The following CFHR4 variants were observed in gnomAD, a reference collection of about 807,000 sequenced individuals.
CFHR4 encodes complement factor H-related protein 4.
A neutral mutation model predicts 69.3 loss-of-function variants in CFHR4; 64 were observed. That is an observed-to-expected ratio of 0.92 (90% CI 0.76 to 1.14). The LOEUF is 1.14. Ranked by LOEUF, CFHR4 falls within the 50% of genes most tolerant of loss-of-function variation. The pLI, the probability that CFHR4 is intolerant of heterozygous loss-of-function variation, is 0.00. For synonymous variants in CFHR4, 244 were observed against 237.0 expected, an observed-to-expected ratio of 1.03 and a Z score of -0.27; for missense variants, 636 against 684.9, an observed-to-expected ratio of 0.93 and a Z score of 0.80.
At chr1:196,901,951 A>T (rs548671567) in intron 1 of CFHR4, among the ~76,000 whole-genome samples, 28 of 151,584 alleles carry the variant, frequency 1.8e-4, no homozygotes, top group Middle Eastern at 3.4e-3. Context: ...TTGTTGTGTG[A>T]TGTGATCAAT....
chr1:196,889,866 G>A (rs1370848401), intron 1 of CFHR4, among the ~76,000 whole-genome samples: 1 of 151,260 alleles, frequency 6.6e-6, no homozygotes, highest in African/African-American at 2.4e-5. Flanking sequence ...GAGAAAATAA[G>A]GACACACCAT....
intron 2 of CFHR4, among the ~76,000 whole-genome samples, chr1:196,903,497 AC>A (rs1411511620): frequency 3.3e-5 from 5 of 150,958 alleles, no homozygotes; most frequent in African/African-American, 1.2e-4. Flanking sequence ...TACTAAAAAT[AC>A]AAAAATTAGC....
chr1:196,916,686 GAGAT>G (rs1658654976), intron 9 of CFHR4, among the ~76,000 whole-genome samples: 1 of 151,690 alleles, frequency 6.6e-6, no homozygotes, highest in Non-Finnish European at 1.5e-5. Context: ...TTAGGTTTCA[GAGAT>G]AAATTCTGAG....
chr1:196,903,316 A>C (rs1657722068), intron 2 of CFHR4, among the ~76,000 whole-genome samples: 1 of 151,242 alleles, frequency 6.6e-6, no homozygotes, highest in Non-Finnish European at 1.5e-5. Context: ...TTTCTGGATA[A>C]TTAGTGGATT....
At chr1:196,896,204 G>A (rs576680136) in intron 1 of CFHR4, among the ~76,000 whole-genome samples, 42 of 150,760 alleles carry the variant, frequency 2.8e-4, no homozygotes, top group African/African-American at 9.6e-4. Context: ...TGTTTGTTGA[G>A]GGGCTTCCTG....
chr1:196,905,055 T>C, intron 2 of CFHR4, 53 bp from the exon 3 acceptor site: 1 of 1,430,622 alleles, frequency 7.0e-7, no homozygotes. Flanking sequence ...TTCCCTTCTA[T>C]AAAAGAAGTA....
intron 5 of CFHR4, among the ~76,000 whole-genome samples, chr1:196,909,026 AAGAC>A (rs1658087642): frequency 6.6e-6 from 1 of 151,514 alleles, no homozygotes; most frequent in African/African-American, 2.4e-5. Context: ...TGCAAGTGGC[AAGAC>A]TGCAGAGGAA....
chr1:196,916,196 A>T (rs1285994018), intron 9 of CFHR4, among the ~76,000 whole-genome samples: 1 of 151,520 alleles, frequency 6.6e-6, no homozygotes, highest in Non-Finnish European at 1.5e-5. Flanking sequence ...GAAGCAACAC[A>T]ATTCAAAAAA....
intron 6 of CFHR4, 98 bp downstream of exon 6, chr1:196,910,576 G>A: frequency 1.0e-6 from 1 of 990,112 alleles, no homozygotes; most frequent in Non-Finnish European, 1.5e-6. Context: ...TGACAGAGAT[G>A]GTACCAAAGG....
At chr1:196,890,021 C>T (rs926925760) in intron 1 of CFHR4, among the ~76,000 whole-genome samples, 2 of 151,500 alleles carry the variant, frequency 1.3e-5, no homozygotes, top group Non-Finnish European at 2.9e-5. Context: ...TCTATGAAAT[C>T]TGTGGTACTT....
In CFHR4 at chr1:196,888,124, A is replaced by G; in HGVS notation, c.-27A>G. 1 of 1,606,522 alleles carries G rather than the reference A, an allele frequency of 6.2e-7. No homozygotes were observed. The highest frequency in any genetic ancestry group is 8.5e-7 in the Non-Finnish European group (1 of 1,175,008). ...CAAACAGTGCAACTGAAACTTTTGC[A>G]TTACTATACTACTGAGAATATCTAA... On this transcript the variant is annotated 5_prime_UTR_variant, in exon 1 of 10. Coordinates refer to ENST00000608469, the MANE Select transcript of CFHR4 (RefSeq NM_001201550.3).
intron 1 of CFHR4, among the ~76,000 whole-genome samples, chr1:196,897,928 T>C (rs886616753): frequency 2.0e-5 from 3 of 151,330 alleles, no homozygotes; most frequent in African/African-American, 7.3e-5. Flanking sequence ...TCAAAGACTC[T>C]CACTAAATCA....
At chr1:196,898,180 G>A (rs920841395) in intron 1 of CFHR4, among the ~76,000 whole-genome samples, 3 of 151,234 alleles carry the variant, frequency 2.0e-5, no homozygotes, top group African/African-American at 7.3e-5. Context: ...CTACACACCT[G>A]AAAAGACAAA....
Position 196,914,475 on chromosome 1 carries a change from T to C in CFHR4, c.1181-20T>C, listed in dbSNP as rs192879755. The stretch of plus-strand genomic sequence containing the variant: ...ATCGTATGGCATAGAAAAGCAATCC[T>C]CAATTTTATTTTGTTTCAGAATTTT... On this transcript the variant is annotated intron_variant, in intron 7 of 9. Transcript: ENST00000608469. 220 of 1,600,000 alleles carry C rather than the reference T, an allele frequency of 1.4e-4. 7 individuals are homozygous for C. The African/African-American group carries it at 2.6e-3, about 19-fold the overall frequency.
chr1:196,897,879 G>T (rs932413258), intron 1 of CFHR4, among the ~76,000 whole-genome samples: 1 of 151,252 alleles, frequency 6.6e-6, no homozygotes, highest in Non-Finnish European at 1.5e-5. Context: ...ACAGGGAATC[G>T]CCCTCTTCTA....
intron 3 of CFHR4, among the ~76,000 whole-genome samples, chr1:196,905,950 A>G (rs1039109195): frequency 2.0e-5 from 3 of 151,634 alleles, no homozygotes; most frequent in Non-Finnish European, 2.9e-5. Flanking sequence ...AAGAGATTGC[A>G]TAATGAACAA....
intron 3 of CFHR4, among the ~76,000 whole-genome samples, chr1:196,906,613 C>T (rs1657917965): frequency 6.6e-6 from 1 of 151,222 alleles, no homozygotes; most frequent in African/African-American, 2.4e-5. Context: ...ATAGATCTGA[C>T]TAAATAGTCT....
At chr1:196,906,024 T>C (rs1323211415) in intron 3 of CFHR4, among the ~76,000 whole-genome samples, 4 of 151,542 alleles carry the variant, frequency 2.6e-5, no homozygotes, top group African/African-American at 9.7e-5. Flanking sequence ...TTCACCAAGA[T>C]TTGTAAAGAT....
intron 1 of CFHR4, among the ~76,000 whole-genome samples, chr1:196,893,116 G>C (rs1367813231): frequency 1.3e-5 from 2 of 151,658 alleles, no homozygotes; most frequent in Non-Finnish European, 2.9e-5. Flanking sequence ...ATTGTACTTA[G>C]TCTACCACGT....
Sources: gnomAD v4.1 joint callset for allele counts (sites outside exome capture counted in the v4.1 genomes callset) on GRCh38, gnomAD v4.1.1 for gene constraint, MANE v1.5 for transcripts, NCBI Gene and HGNC (gene_info 2026-07-23, HGNC 2026-07-21) for gene names.